PTAR1: variants seen among roughly 807,000 people sequenced by gnomAD.
PTAR1 encodes protein prenyltransferase alpha subunit repeat-containing protein 1.
PTAR1 carries 17 observed loss-of-function variants against 45.5 expected under a neutral mutation model. The observed-to-expected ratio is 0.37, with a 90% CI of 0.26 to 0.56. The LOEUF (loss-of-function observed/expected upper bound fraction) is 0.56. PTAR1 is among the 20% of genes least tolerant of loss of function. PTAR1 has a pLI of 0.77. For missense variants in PTAR1, 391 were observed against 476.3 expected, an observed-to-expected ratio of 0.82 and a Z score of 1.67; for synonymous variants, 169 against 171.3, an observed-to-expected ratio of 0.99 and a Z score of 0.11.
rs1824518791 is a variant in PTAR1 at position 69,711,383 on chromosome 9, T to C, written c.*6959A>G. 2 of 152,206 alleles carry C rather than the reference T, an allele frequency of 1.3e-5. No homozygotes were observed. The allele number at this position is 152,206 out of a possible 1,614,324, so 9.4% of individuals were successfully genotyped here. On this transcript the variant is annotated 3_prime_UTR_variant, in exon 8 of 8. Coordinates refer to ENST00000340434, the MANE Select transcript of PTAR1 (RefSeq NM_001099666.2). The stretch of plus-strand genomic sequence containing the variant: ...GTTTTATAAAACTGTTTAATCTTTT[T>C]ACATTAGGTAAACTCTGTCAAAAAT...
At chr9:69,750,671 G>T (rs975878952) in intron 2 of PTAR1, 110 bp downstream of exon 2, 34 of 780,332 alleles carry the variant, frequency 4.4e-5, no homozygotes, top group East Asian at 3.9e-4. Context: ...ACAGTGAACA[G>T]AAGAAGCAGA....
At chr9:69,759,548 C>A (rs1826979495) in intron 1 of PTAR1, among the ~76,000 whole-genome samples, 2 of 152,164 alleles carry the variant, frequency 1.3e-5, no homozygotes, top group Non-Finnish European at 2.9e-5. Flanking sequence ...GGATGTCGAC[C>A]TACGGGGGAC....
chr9:69,714,379 T>C lies in PTAR1; in HGVS notation c.*3963A>G, dbSNP rs1206456727. On this transcript the variant is annotated 3_prime_UTR_variant, in exon 8 of 8. Transcript: ENST00000340434. Reference sequence around the variant, plus strand: ...TCCCTTTACAACTAAATCTTTAGCATCTTCTATAACTCAGGGGAACTAAGG... The same window carrying C: ...TCCCTTTACAACTAAATCTTTAGCACCTTCTATAACTCAGGGGAACTAAGG... 1 of 149,718 alleles carries C rather than the reference T, an allele frequency of 6.7e-6. No homozygotes were observed. The highest frequency in any genetic ancestry group is 1.5e-5 in the Non-Finnish European group (1 of 66,276). 9.3% of individuals were successfully genotyped at this position (149,718 alleles called of 1,614,324 possible).
At chr9:69,738,359 C>A (rs1825886707) in intron 3 of PTAR1, among the ~76,000 whole-genome samples, 1 of 152,174 alleles carries the variant, frequency 6.6e-6, no homozygotes, top group Non-Finnish European at 1.5e-5. Context: ...AAGAAAGTCA[C>A]TGATTTTTTT....
In PTAR1 at chr9:69,714,212, T is replaced by C. The variant is rs1824638469; in HGVS notation, c.*4130A>G. 1 of 152,108 alleles carries C rather than the reference T, an allele frequency of 6.6e-6. No homozygotes were observed. The highest frequency in any genetic ancestry group is 2.1e-4 in the South Asian group (1 of 4,830). 9.4% of individuals were successfully genotyped at this position (152,108 alleles called of 1,614,324 possible). ...TGCACAGTTCTATTTGAGAAATTTA[T>C]TCAAGACAAAAGGTTCAGTTGTTAT... On this transcript the variant is annotated 3_prime_UTR_variant, in exon 8 of 8. Coordinates refer to ENST00000340434, the MANE Select transcript of PTAR1 (RefSeq NM_001099666.2).
Position 69,747,658 on chromosome 9 carries a change from A to G in PTAR1, c.256+3123T>C, listed in dbSNP as rs141121820. Among the ~76,000 whole-genome samples the G allele has an allele frequency of 5.2e-3, 794 of 152,332 alleles. 8 individuals carry two copies. The highest frequency in any genetic ancestry group is 0.016 in the African/African-American group (663 of 41,582). On this transcript the variant is annotated intron_variant, in intron 2 of 7. Coordinates refer to ENST00000340434, the MANE Select transcript of PTAR1 (RefSeq NM_001099666.2). ...ACAGACATGCCCAGTTACGAAGAGT[A>G]GAGGCTGTATGTCCCAGCCAACTAT...
In PTAR1 at chr9:69,734,268, A is replaced by G. The variant is rs2134116547; in HGVS notation, c.324-14T>C. The G allele has an allele frequency of 8.5e-7, 1 of 1,179,132 alleles. No individual in the cohort carries two copies. The highest frequency in any genetic ancestry group is 1.2e-6 in the Non-Finnish European group (1 of 843,400). 73.0% of individuals were successfully genotyped at this position (1,179,132 alleles called of 1,614,324 possible). Reference sequence around the variant, plus strand: ...ATCAGCTCTTTCCTGTAAAAAAAAAAAAAAAAAAAAAAAAAAATTAAACAT... The same window carrying G: ...ATCAGCTCTTTCCTGTAAAAAAAAAGAAAAAAAAAAAAAAAAATTAAACAT... On this transcript the variant is annotated splice_polypyrimidine_tract_variant and intron_variant, in intron 3 of 7. Transcript: ENST00000340434.
At chr9:69,743,767 C>T (rs1380299831) in intron 2 of PTAR1, among the ~76,000 whole-genome samples, 1 of 152,026 alleles carries the variant, frequency 6.6e-6, no homozygotes, top group Admixed American at 6.6e-5. Flanking sequence ...AAAGTAGGCC[C>T]TTAGGACTGA....
chr9:69,749,760 T>C (rs1235007910), intron 2 of PTAR1, among the ~76,000 whole-genome samples: 3 of 152,108 alleles, frequency 2.0e-5, no homozygotes, highest in Admixed American at 6.6e-5. Flanking sequence ...TAGGCAACAC[T>C]CTTCTGTACA....
chr9:69,734,374 C>CA (rs1280438629), intron 3 of PTAR1, 120 bp from the exon 4 acceptor site: 6 of 419,168 alleles, frequency 1.4e-5, no homozygotes, highest in Admixed American at 4.4e-5. Context: ...AATTTTAAAA[C>CA]AAAAAAAGAA....
intron 5 of PTAR1, among the ~76,000 whole-genome samples, chr9:69,725,568 C>A (rs996796909): frequency 6.7e-6 from 1 of 149,284 alleles, no homozygotes; most frequent in African/African-American, 2.5e-5. Context: ...CCAGCCTGGG[C>A]GACAAAACAA....
intron 3 of PTAR1, among the ~76,000 whole-genome samples, chr9:69,735,801 A>C (rs141220977): frequency 1.3e-5 from 2 of 152,056 alleles, no homozygotes; most frequent in Non-Finnish European, 2.9e-5. Flanking sequence ...CTCTTATACC[A>C]TATCTACTTA....
intron 2 of PTAR1, among the ~76,000 whole-genome samples, chr9:69,748,495 T>A (rs1826377269): frequency 6.6e-6 from 1 of 151,934 alleles, no homozygotes. Context: ...AAACAAGAAT[T>A]CAGTTTGGTT....
At chr9:69,753,413 TC>T (rs1388703855) in intron 1 of PTAR1, among the ~76,000 whole-genome samples, 1 of 152,208 alleles carries the variant, frequency 6.6e-6, no homozygotes, top group East Asian at 1.9e-4. Flanking sequence ...AGTTTTCACT[TC>T]TTGTCCCTCT....
At chr9:69,752,760 A>C (rs1278229560) in intron 1 of PTAR1, among the ~76,000 whole-genome samples, 1 of 152,066 alleles carries the variant, frequency 6.6e-6, no homozygotes, top group African/African-American at 2.4e-5. Context: ...TAGGAAGAAT[A>C]AGGACAAAGC....
At position 69,732,313 on chromosome 9, in the gene PTAR1, C is replaced by T. The variant is rs1451891084; in HGVS notation, c.468G>A (p.Leu156=). 1 of 1,613,700 alleles carries T rather than the reference C, an allele frequency of 6.2e-7. No homozygotes were observed. The highest frequency in any genetic ancestry group is 8.5e-7 in the Non-Finnish European group (1 of 1,179,792). ...AGTTTCCTTTGGTCACAAAGGAAGGCAAGGAGGTTTCCTGAATTAGCTGTT... is the reference window on the plus strand; with the variant it reads ...AGTTTCCTTTGGTCACAAAGGAAGGTAAGGAGGTTTCCTGAATTAGCTGTT... ...VLQQLIQETS[L]PSFVTKGNLG... The change falls in exon 5 of 8, where the codon TTG becomes TTA. Residue 156 remains leucine, a synonymous_variant. Transcript: ENST00000340434.
intron 3 of PTAR1, among the ~76,000 whole-genome samples, chr9:69,740,511 T>C (rs968297319): frequency 2.6e-5 from 4 of 152,122 alleles, no homozygotes; most frequent in Non-Finnish European, 5.9e-5. Flanking sequence ...AGGTGAGGAA[T>C]ACAAGAACAT....
chr9:69,739,891 A>G (rs1257575718), intron 3 of PTAR1, among the ~76,000 whole-genome samples: 1 of 152,202 alleles, frequency 6.6e-6, no homozygotes, highest in Non-Finnish European at 1.5e-5. Flanking sequence ...ACAATTTTCA[A>G]GATTAACTGT....
At chr9:69,726,259 G>A (rs1387045345) in intron 5 of PTAR1, among the ~76,000 whole-genome samples, 1 of 152,100 alleles carries the variant, frequency 6.6e-6, no homozygotes, top group Non-Finnish European at 1.5e-5. Flanking sequence ...CACATGCACA[G>A]AGTTTATTTT....
Sources: gnomAD v4.1 joint callset for allele counts (sites outside exome capture counted in the v4.1 genomes callset) on GRCh38, gnomAD v4.1.1 for gene constraint, MANE v1.5 for transcripts, NCBI Gene and HGNC (gene_info 2026-07-23, HGNC 2026-07-21) for gene names.